Variants in KNL1 observed in about 807,000 individuals in gnomAD.
The protein encoded by KNL1 is outer kinetochore KNL1 complex subunit KNL1.
KNL1 carries 66 observed loss-of-function variants against 201.3 expected under a neutral mutation model. The ratio of observed to expected loss-of-function variants is 0.33; its 90% CI spans 0.27 to 0.40. The LOEUF (loss-of-function observed/expected upper bound fraction) is 0.40. KNL1 is among the 10% of genes least tolerant of loss of function. KNL1 has a pLI of 1.00. For missense variants in KNL1, 2,815 were observed against 2,690.5 expected (o/e 1.05, Z -1.02); for synonymous variants, 895 against 899.2 (o/e 1.00, Z 0.08).
At chr15:40,630,659 A>G (rs1016428241) in intron 13 of KNL1, among the ~76,000 whole-genome samples, 3 of 152,136 alleles carry the variant, frequency 2.0e-5, no homozygotes, top group African/African-American at 7.2e-5. Context: ...AAGGATCTAG[A>G]TTGTGTACCC....
Position 40,628,594 on chromosome 15 carries a change from A to G in KNL1, c.5516-17A>G. ...TAGTTTTGACTTGTTCGTCACCAGA[A>G]TTTGCTTTACTTCTAGCTTACCGCA... On this transcript the variant is annotated splice_polypyrimidine_tract_variant and intron_variant, in intron 11 of 25. Coordinates refer to ENST00000399668, the MANE Select transcript of KNL1 (RefSeq NM_144508.5). 7 of 1,558,802 alleles carry G rather than the reference A, an allele frequency of 4.5e-6. No individual in the cohort carries two copies. The highest frequency in any genetic ancestry group is 2.3e-5 in the East Asian group (1 of 44,324).
At position 40,621,040 on chromosome 15, in the gene KNL1, T is replaced by C; in HGVS notation, c.776T>C (p.Val259Ala). Residue 259 changes from valine to alanine, a missense_variant, in exon 10 of 26, where the codon GTA (valine) becomes GCA (alanine). Val to Ala is a moderately conservative substitution (Grantham distance 64, BLOSUM62 0). Around this residue, in one of 3 missense-constraint regions of KNL1, gnomAD observed 2,464 missense variants for 2,291.7 expected, o/e 1.08. Transcript: ENST00000399668. ...GCCTCTTCTACACATCAAATGCATG[T>C]ATCTCTTAAGGAAGATGAAAATAAC... ...NSASSTHQMHVSLKEDENNSN... is the reference protein window; with the variant it reads ...NSASSTHQMHASLKEDENNSN... 6.2e-7 allele frequency: 1 copy of C among 1,608,536 alleles called. No homozygotes were observed. The highest frequency in any genetic ancestry group is 8.5e-7 in the Non-Finnish European group (1 of 1,177,714).
At chr15:40,653,457 G>T (rs1893631452) in intron 21 of KNL1, among the ~76,000 whole-genome samples, 1 of 152,168 alleles carries the variant, frequency 6.6e-6, no homozygotes, top group Non-Finnish European at 1.5e-5. Flanking sequence ...CTCCCAAAGT[G>T]CTGGATTACA....
intron 21 of KNL1, among the ~76,000 whole-genome samples, chr15:40,654,628 G>C (rs1164767496): frequency 2.0e-5 from 3 of 150,974 alleles, no homozygotes; most frequent in African/African-American, 4.9e-5. Flanking sequence ...CCAGCACTTT[G>C]GGAAGCTGAG....
At chr15:40,636,885 A>G (rs575283595) in intron 13 of KNL1, among the ~76,000 whole-genome samples, 1 of 152,194 alleles carries the variant, frequency 6.6e-6, no homozygotes, top group Non-Finnish European at 1.5e-5. Context: ...CCTCCCCCGC[A>G]TTATTGTGAA....
chr15:40,612,697 T>C (rs2141708428), intron 7 of KNL1, among the ~76,000 whole-genome samples: 1 of 152,058 alleles, frequency 6.6e-6, no homozygotes, highest in South Asian at 2.1e-4. Flanking sequence ...TGTTGTATTT[T>C]TAGTAGACAC....
At chr15:40,649,619 A>C (rs1459943307) in intron 17 of KNL1, among the ~76,000 whole-genome samples, 2 of 149,374 alleles carry the variant, frequency 1.3e-5, no homozygotes, top group South Asian at 4.3e-4. Flanking sequence ...AAAAAAAAAA[A>C]AGAGAGGCAG....
Position 40,602,902 on chromosome 15 carries a change from A to G in KNL1, c.-17-13A>G. 1 of 1,437,120 alleles carries G rather than the reference A, an allele frequency of 7.0e-7. No individual in the cohort carries two copies. The highest frequency in any genetic ancestry group is 9.7e-7 in the Non-Finnish European group (1 of 1,026,254). The allele number at this position is 1,437,120 out of a possible 1,614,324, so 89.0% of individuals were successfully genotyped here. A position where few individuals can be genotyped will look rare whatever the true frequency, so the allele number is the denominator to read the frequency against. The stretch of plus-strand genomic sequence containing the variant: ...TTTTCCTCATGTTTTCTAATATTGT[A>G]TATTTGTTACAGAAAAGTTTTCTTC... On this transcript the variant is annotated splice_polypyrimidine_tract_variant and intron_variant, in intron 1 of 25. Coordinates refer to ENST00000399668, the MANE Select transcript of KNL1 (RefSeq NM_144508.5).
rs1191115057 is a variant in KNL1 at position 40,637,292 on chromosome 15, C to G, written c.5683-3620C>G. On this transcript the variant is annotated intron_variant, in intron 13 of 25. Transcript: ENST00000399668. ...AGAGTTTACCACAGTCCAGATGTTG[C>G]TAATTGTGCATGCCCAAATATTTCT... Among the ~76,000 whole-genome samples, 4 of 146,724 alleles carry G rather than the reference C, an allele frequency of 2.7e-5. No individual in the cohort carries two copies. The East Asian group carries it at 7.9e-4, about 29-fold the overall frequency.
intron 1 of KNL1, among the ~76,000 whole-genome samples, chr15:40,594,723 CTCT>C (rs1891572987): frequency 6.6e-6 from 1 of 152,250 alleles, no homozygotes; most frequent in African/African-American, 2.4e-5. Flanking sequence ...GGCTCGCGGA[CTCT>C]TCTTGCACCC....
In KNL1 at chr15:40,621,799, C is replaced by T. The variant is rs1207628660; in HGVS notation, c.1535C>T (p.Pro512Leu). 6.2e-7 allele frequency: 1 copy of T among 1,613,510 alleles called. No individual in the cohort carries two copies. The highest frequency in any genetic ancestry group is 8.5e-7 in the Non-Finnish European group (1 of 1,179,642). ...DQSNVQIAAA[P>L]TPEKEMMLQN... The stretch of plus-strand genomic sequence containing the variant: ...TCAAATGTGCAAATAGCAGCTGCAC[C>T]AACACCCGAAAAAGAAATGATGCTC... The change falls in exon 10 of 26, where the codon CCA becomes CTA. Residue 512 changes from proline (P) to leucine (L), a missense_variant. Physicochemically the swap from Pro to Leu is moderately conservative, Grantham distance 98. Transcript: ENST00000399668.
At chr15:40,633,854 A>G (rs1892982823) in intron 13 of KNL1, among the ~76,000 whole-genome samples, 1 of 152,122 alleles carries the variant, frequency 6.6e-6, no homozygotes, top group African/African-American at 2.4e-5. Context: ...GTTATTTTAG[A>G]GTATATTCCA....
At chr15:40,635,600 C>T (rs550782972) in intron 13 of KNL1, among the ~76,000 whole-genome samples, 17 of 152,068 alleles carry the variant, frequency 1.1e-4, no homozygotes, top group African/African-American at 3.1e-4. Flanking sequence ...ATGATCCGCC[C>T]GCCTCAGCTT....
Position 40,623,406 on chromosome 15 carries a change from G to T in KNL1, c.3142G>T (p.Val1048Leu). ...AGCCACTTGCAAAAACATCAAAGAT[G>T]TACAAAGTCCTGGATTTCTGAATGA... ...KSATCKNIKD[V>L]QSPGFLNEPL... Residue 1048 changes from valine to leucine, a missense_variant, in exon 10 of 26, where the codon GTA becomes TTA. By Grantham distance (32) the Val-to-Leu change is conservative. This residue lies in a region of KNL1 where 2,464 missense variants were observed against 2,291.7 expected (regional missense o/e 1.08). Coordinates refer to ENST00000399668, the MANE Select transcript of KNL1 (RefSeq NM_144508.5). 6.2e-7 allele frequency: 1 copy of T among 1,613,936 alleles called. No individual in the cohort carries two copies. The highest frequency in any genetic ancestry group is 8.5e-7 in the Non-Finnish European group (1 of 1,179,908).
intron 13 of KNL1, among the ~76,000 whole-genome samples, chr15:40,633,453 A>G (rs1266160302): frequency 1.3e-5 from 2 of 152,222 alleles, no homozygotes; most frequent in Non-Finnish European, 2.9e-5. Flanking sequence ...GTTAAAGGGT[A>G]GTACATATAA....
chr15:40,597,316 G>A (rs1309979210), intron 1 of KNL1, among the ~76,000 whole-genome samples: 1 of 152,086 alleles, frequency 6.6e-6, no homozygotes, highest in African/African-American at 2.4e-5. Flanking sequence ...ATGCAGTGGT[G>A]CCATCTCAGT....
intron 4 of KNL1, among the ~76,000 whole-genome samples, chr15:40,608,424 A>G (rs1317135789): frequency 2.0e-5 from 3 of 147,602 alleles, no homozygotes; most frequent in Non-Finnish European, 4.5e-5. Context: ...ACAGAACAAA[A>G]CCGTCTTGGA....
intron 8 of KNL1, among the ~76,000 whole-genome samples, chr15:40,616,108 CA>C (rs1347681739): frequency 6.7e-6 from 1 of 148,966 alleles, no homozygotes; most frequent in Non-Finnish European, 1.5e-5. Context: ...TAAAATTTCA[CA>C]GGCTCACTAT....
chr15:40,647,113 T>A, intron 17 of KNL1, 39 bp downstream of exon 17: 1 of 1,014,252 alleles, frequency 9.9e-7, no homozygotes, highest in Non-Finnish European at 1.6e-6. Context: ...GAAAATTTAA[T>A]TTTATCTAAA....
Sources: gnomAD v4.1 joint callset for allele counts (sites outside exome capture counted in the v4.1 genomes callset) on GRCh38, gnomAD v4.1.1 for gene constraint, gnomAD v4.1.1 regional missense constraint, MANE v1.5 for transcripts, NCBI Gene and HGNC (gene_info 2026-07-23, HGNC 2026-07-21) for gene names.